CTNND2: variants seen among roughly 807,000 people sequenced by gnomAD.
CTNND2 encodes the protein catenin delta-2.
A neutral mutation model predicts 144.4 loss-of-function variants in CTNND2; 22 were observed. That is an observed-to-expected ratio of 0.15 (90% CI 0.11 to 0.22). The LOEUF (loss-of-function observed/expected upper bound fraction) is 0.22. Among genes scored for constraint, CTNND2 ranks in the 10% least tolerant of loss-of-function variants. The pLI is 1.00. For missense variants in CTNND2, 1,353 were observed against 1,618.8 expected (o/e 0.84, Z 2.82); for synonymous variants, 751 against 695.6 (o/e 1.08, Z -1.25).
At chr5:11,898,639 A>C (rs1560983066) in intron 1 of CTNND2, among the ~76,000 whole-genome samples, 1 of 152,166 alleles carries the variant, frequency 6.6e-6, no homozygotes, top group East Asian at 1.9e-4. Context: ...AACTTGTAGA[A>C]ATGTTACATA....
At chr5:11,491,530 C>T (rs145832677) in intron 3 of CTNND2, among the ~76,000 whole-genome samples, 1 of 152,270 alleles carries the variant, frequency 6.6e-6, no homozygotes, top group African/African-American at 2.4e-5. Flanking sequence ...GCTGGGATTC[C>T]AACTACTGGC....
Position 10,981,815 on chromosome 5 carries a change from C to T in CTNND2, c.3375G>A (p.Arg1125=), listed in dbSNP as rs1737314586. 3 of 1,613,698 alleles carry T rather than the reference C, an allele frequency of 1.9e-6. No homozygotes were observed. Among genetic ancestry groups the T allele is most frequent in the Non-Finnish European group, 2.5e-6 (3 of 1,179,872 alleles). The change falls in exon 21 of 22, where the codon AGG becomes AGA. Residue 1125 remains arginine (R), a synonymous_variant. Coordinates refer to ENST00000304623, the MANE Select transcript of CTNND2 (RefSeq NM_001332.4). ...AQNTGISTLY[R]NSYGAPAEDI... ...CTTCAGCGGGCGCACCATAAGAATT[C>T]CTATACAAAGTTGAAATTCCAGTGT...
At chr5:11,055,461 A>G (rs892146109) in intron 16 of CTNND2, among the ~76,000 whole-genome samples, 1 of 152,170 alleles carries the variant, frequency 6.6e-6, no homozygotes, top group South Asian at 2.1e-4. Flanking sequence ...CATTTGTTTC[A>G]ACAGAAGCCC....
At chr5:11,290,963 C>A (rs568578069) in intron 9 of CTNND2, among the ~76,000 whole-genome samples, 1 of 152,262 alleles carries the variant, frequency 6.6e-6, no homozygotes, top group East Asian at 1.9e-4. Flanking sequence ...GGAGTTAACA[C>A]GTCACCTATA....
At chr5:11,677,317 C>A (rs747103327) in intron 2 of CTNND2, among the ~76,000 whole-genome samples, 4 of 152,218 alleles carry the variant, frequency 2.6e-5, no homozygotes, top group Non-Finnish European at 5.9e-5. Flanking sequence ...CAGGCTGTTT[C>A]TACACCTCCT....
At chr5:11,616,166 T>C (rs1166377381) in intron 2 of CTNND2, among the ~76,000 whole-genome samples, 3 of 152,182 alleles carry the variant, frequency 2.0e-5, no homozygotes, top group African/African-American at 7.2e-5. Context: ...TGAGACAGCT[T>C]TTCTTTCCAA....
Position 11,115,060 on chromosome 5 carries a change from C to T in CTNND2, c.2277+2390G>A, listed in dbSNP as rs373477376. On this transcript the variant is annotated intron_variant, in intron 13 of 21. Coordinates refer to ENST00000304623, the MANE Select transcript of CTNND2 (RefSeq NM_001332.4). ...CAGCCAGTGGGAGGTGGAGATGGCA[C>T]AGTCCACTGGCACTGTCTTGATGCC... Among the ~76,000 whole-genome samples the T allele has an allele frequency of 2.0e-5, 3 of 152,212 alleles. No homozygotes were observed. The East Asian group carries it at 5.8e-4, about 29-fold the overall frequency.
At chr5:11,639,828 C>T (rs1391536895) in intron 2 of CTNND2, among the ~76,000 whole-genome samples, 2 of 152,192 alleles carry the variant, frequency 1.3e-5, no homozygotes, top group African/African-American at 2.4e-5. Flanking sequence ...GTTGAGATCA[C>T]TCTCAACAGA....
chr5:11,423,407 G>A (rs1762526377), intron 3 of CTNND2, among the ~76,000 whole-genome samples: 1 of 152,212 alleles, frequency 6.6e-6, no homozygotes, highest in African/African-American at 2.4e-5. Context: ...AGAGTACCTA[G>A]TTTGTTTGCC....
intron 2 of CTNND2, among the ~76,000 whole-genome samples, chr5:11,704,866 G>A (rs1041760856): frequency 4.0e-5 from 6 of 151,676 alleles, no homozygotes; most frequent in Non-Finnish European, 5.9e-5. Context: ...ATAATCACAC[G>A]TAATAAAAAT....
intron 14 of CTNND2, 63 bp downstream of exon 14, chr5:11,110,795 G>T: frequency 6.9e-7 from 1 of 1,440,890 alleles, no homozygotes; most frequent in East Asian, 2.3e-5. Flanking sequence ...ATATATTGAG[G>T]ATATATTACA....
At chr5:11,493,265 T>TC (rs1334880325) in intron 3 of CTNND2, among the ~76,000 whole-genome samples, 4 of 152,166 alleles carry the variant, frequency 2.6e-5, no homozygotes, top group Admixed American at 2.0e-4. Context: ...CCTTTCAGTC[T>TC]CACCTGCAGA....
intron 11 of CTNND2, among the ~76,000 whole-genome samples, chr5:11,195,102 G>A (rs1736721826): frequency 6.6e-6 from 1 of 152,114 alleles, no homozygotes; most frequent in Admixed American, 6.5e-5. Flanking sequence ...TATTTTAAAA[G>A]AGAAGAAGAA....
chr5:11,128,741 T>TTATATATATATTA (rs1554049705), intron 12 of CTNND2, among the ~76,000 whole-genome samples: 1 of 61,980 alleles, frequency 1.6e-5, no homozygotes, highest in Admixed American at 2.6e-4. Flanking sequence ...ATATATATAT[T>TTATATATATATTA]TATATATATT....
At chr5:11,812,210 G>C (rs1431929666) in intron 1 of CTNND2, among the ~76,000 whole-genome samples, 2 of 152,206 alleles carry the variant, frequency 1.3e-5, no homozygotes, top group Admixed American at 1.3e-4. Context: ...TCAAAGCAGA[G>C]ACAGTGAATA....
At chr5:11,451,158 CAG>C (rs909628560) in intron 3 of CTNND2, among the ~76,000 whole-genome samples, 2 of 151,804 alleles carry the variant, frequency 1.3e-5, no homozygotes, top group Non-Finnish European at 2.9e-5. Flanking sequence ...AAAAATTAAC[CAG>C]AGACACTGTT....
Position 11,260,347 on chromosome 5 carries a change from T to G in CTNND2, c.1629-23524A>C, listed in dbSNP as rs372641248. On this transcript the variant is annotated intron_variant, in intron 9 of 21. Transcript: ENST00000304623. ...TAATGTATAAAATAACGACATATTT[T>G]AAATTTGTTGCTTCTTCCGAAGAGC... is the stretch of plus-strand genomic sequence containing the variant. Among the ~76,000 whole-genome samples, 6 of 152,340 alleles carry G rather than the reference T, an allele frequency of 3.9e-5. No homozygotes were observed. The South Asian group carries it at 1.2e-3, about 32-fold the overall frequency.
chr5:11,679,087 T>G (rs113664381), intron 2 of CTNND2, among the ~76,000 whole-genome samples: 3,645 of 152,200 alleles, frequency 0.024, 47 homozygotes, highest in East Asian at 0.057. Context: ...GGACTCTGAC[T>G]GGCCCTTCCT....
intron 3 of CTNND2, among the ~76,000 whole-genome samples, chr5:11,435,855 T>C (rs570174074): frequency 6.6e-6 from 1 of 152,224 alleles, no homozygotes; most frequent in Non-Finnish European, 1.5e-5. Context: ...GGGGTTTGCT[T>C]TGGAGCCCAG....
Sources: gnomAD v4.1 joint callset for allele counts (sites outside exome capture counted in the v4.1 genomes callset) on GRCh38, gnomAD v4.1.1 for gene constraint, MANE v1.5 for transcripts, NCBI Gene and HGNC (gene_info 2026-07-23, HGNC 2026-07-21) for gene names.